FSTL4: variants seen among roughly 807,000 people sequenced by gnomAD.
FSTL4 encodes the protein follistatin like 4, also known as follistatin-related protein 4.
Under a neutral mutation model 78.2 loss-of-function variants are expected in FSTL4, and 28 were observed. That is an observed-to-expected ratio of 0.36 (90% CI 0.27 to 0.49). The LOEUF (loss-of-function observed/expected upper bound fraction) is 0.49. Among genes scored for constraint, FSTL4 ranks in the 20% least tolerant of loss-of-function variants. The pLI, the probability that FSTL4 is intolerant of heterozygous loss-of-function variation, is 0.98. For synonymous variants in FSTL4, 422 were observed against 440.5 expected (o/e 0.96, Z 0.53); for missense variants, 922 against 1,084.9 (o/e 0.85, Z 2.11).
rs1038829351 is a variant in FSTL4 at position 133,199,101 on chromosome 5, C to T, written c.2523G>A (p.Glu841=). The T allele has an allele frequency of 2.0e-6, 3 of 1,534,712 alleles. No homozygotes were observed. In the African/African-American group the frequency reaches 4.1e-5, roughly 21 times the overall value. Residue 841 remains glutamate (E), a synonymous_variant, in exon 16 of 16, where the codon GAG becomes GAA. Transcript: ENST00000265342. This position sits in a 1 kb window ranked among gnomAD's most constrained non-coding sequence, Gnocchi z 4.4. ...KGGTTVVWVG[E]V is the part of the protein sequence containing the mutation. ...GGGCTCTGCTCTGGGCCCTTCATACCTCACCCACCCACACCACTGTGGTCC... is the reference window on the plus strand; with the variant it reads ...GGGCTCTGCTCTGGGCCCTTCATACTTCACCCACCCACACCACTGTGGTCC...
chr5:133,567,236 A>T lies in FSTL4; in HGVS notation c.127-17T>A, dbSNP rs376493463. On this transcript the variant is annotated splice_polypyrimidine_tract_variant and intron_variant, in intron 2 of 15. Transcript: ENST00000265342. ...TCTGGGCTCCTGCAAGAAAAGAAAGACTTTGTGTTTTCTGAAGAATAATTC... is the reference window on the plus strand; with the variant it reads ...TCTGGGCTCCTGCAAGAAAAGAAAGTCTTTGTGTTTTCTGAAGAATAATTC... The T allele has an allele frequency of 5.6e-6, 9 of 1,598,832 alleles. No individual in the cohort carries two copies. Among genetic ancestry groups the T allele is most frequent in the Non-Finnish European group, 7.7e-6 (9 of 1,166,312 alleles).
At chr5:133,758,036 G>A in the FSTL4 span, among the ~76,000 whole-genome samples, 2 of 152,252 alleles carry the variant, frequency 1.3e-5, no homozygotes, top group East Asian at 3.9e-4. Context: ...AAGGGAGTCG[G>A]CATAGGTAAT....
At chr5:133,778,539 C>T in the FSTL4 span, among the ~76,000 whole-genome samples, 1 of 152,150 alleles carries the variant, frequency 6.6e-6, no homozygotes, top group East Asian at 1.9e-4. Flanking sequence ...GGCCCTTACG[C>T]TGAAAAGAGG....
chr5:133,530,671 G>A (rs1055887979), intron 3 of FSTL4, among the ~76,000 whole-genome samples: 2 of 152,222 alleles, frequency 1.3e-5, no homozygotes, highest in Admixed American at 6.5e-5. Context: ...AAATTGCTGT[G>A]TGGCTGTGCC....
intron 6 of FSTL4, among the ~76,000 whole-genome samples, chr5:133,302,457 G>A (rs1753565908): frequency 6.6e-6 from 1 of 152,174 alleles, no homozygotes; most frequent in Admixed American, 6.5e-5. Context: ...TTACTGCAGG[G>A]CACATTTTAA....
intron 4 of FSTL4, among the ~76,000 whole-genome samples, chr5:133,336,955 G>T (rs576224712): frequency 6.6e-6 from 1 of 152,192 alleles, no homozygotes; most frequent in Non-Finnish European, 1.5e-5. Flanking sequence ...TGGAGGGCTC[G>T]CAGTATGTGC....
the FSTL4 span, among the ~76,000 whole-genome samples, chr5:133,771,912 T>A: frequency 6.6e-6 from 1 of 152,198 alleles, no homozygotes; most frequent in African/African-American, 2.4e-5. Flanking sequence ...ATAGTGGGTT[T>A]GATCATTATA....
In FSTL4 at chr5:133,236,788, C is replaced by T. The variant is rs1751677337; in HGVS notation, c.895-3251G>A. 6.6e-6 allele frequency among the ~76,000 whole-genome samples: 1 copy of T among 152,360 alleles called. No homozygotes were observed. Among genetic ancestry groups the T allele is most frequent in the Non-Finnish European group, 1.5e-5 (1 of 68,034 alleles). Reference sequence around the variant, plus strand: ...TCCCTCTCCTGCAAGTCTGCTCCAACCTTGTCTGGCAGCCCCATTTCTGGA... The same window carrying T: ...TCCCTCTCCTGCAAGTCTGCTCCAATCTTGTCTGGCAGCCCCATTTCTGGA... On this transcript the variant is annotated intron_variant, in intron 7 of 15. Coordinates refer to ENST00000265342, the MANE Select transcript of FSTL4 (RefSeq NM_015082.2). The surrounding 1 kb of genome is among the most constrained non-coding windows in gnomAD (Gnocchi z 5.0).
chr5:133,774,886 T>C, the FSTL4 span, among the ~76,000 whole-genome samples: 5 of 152,296 alleles, frequency 3.3e-5, no homozygotes, highest in African/African-American at 1.2e-4. Flanking sequence ...AGAAAATGGA[T>C]GATAAATCTT....
chr5:133,602,099 T>A (rs1222377059), intron 2 of FSTL4, among the ~76,000 whole-genome samples: 1 of 152,132 alleles, frequency 6.6e-6, no homozygotes, highest in African/African-American at 2.4e-5. Context: ...TGATTAGAAG[T>A]TATAATACTG....
intron 3 of FSTL4, among the ~76,000 whole-genome samples, chr5:133,500,250 T>C (rs575008152): frequency 5.3e-5 from 8 of 152,284 alleles, no homozygotes; most frequent in Admixed American, 1.3e-4. Flanking sequence ...AAACTGAGCT[T>C]TCATTTTGCA....
chr5:133,555,812 C>T (rs1759774677), intron 3 of FSTL4, among the ~76,000 whole-genome samples: 1 of 152,118 alleles, frequency 6.6e-6, no homozygotes, highest in South Asian at 2.1e-4. Context: ...TGCAGGGGCT[C>T]ACACAAATGA....
intron 2 of FSTL4, among the ~76,000 whole-genome samples, chr5:133,577,352 G>A (rs922000633): frequency 1.3e-5 from 2 of 152,126 alleles, no homozygotes; most frequent in Non-Finnish European, 1.5e-5. Context: ...CCACTTAATC[G>A]AGGGGTCAGT....
At chr5:133,804,898 G>A in the FSTL4 span, among the ~76,000 whole-genome samples, 738 of 141,762 alleles carry the variant, frequency 5.2e-3, 6 homozygotes, top group Non-Finnish European at 8.7e-3. Flanking sequence ...GAGCCAAATC[G>A]TGCCACTGCA....
the FSTL4 span, among the ~76,000 whole-genome samples, chr5:133,651,415 C>G: frequency 6.6e-6 from 1 of 151,954 alleles, no homozygotes; most frequent in Non-Finnish European, 1.5e-5. Context: ...CCCCTCTGTT[C>G]CTAGTTTACT....
At chr5:133,395,451 A>G (rs1295855735) in intron 4 of FSTL4, among the ~76,000 whole-genome samples, 1 of 152,164 alleles carries the variant, frequency 6.6e-6, no homozygotes, top group African/African-American at 2.4e-5. Context: ...ATCAGAAGGA[A>G]CAAACTCCGG....
intron 4 of FSTL4, among the ~76,000 whole-genome samples, chr5:133,348,205 G>C (rs1004502702): frequency 2.0e-5 from 3 of 152,216 alleles, no homozygotes; most frequent in South Asian, 2.1e-4. Context: ...GAAAATGAAG[G>C]CTTTTGATTT....
At chr5:133,325,297 T>C (rs1754178822) in intron 4 of FSTL4, among the ~76,000 whole-genome samples, 1 of 152,124 alleles carries the variant, frequency 6.6e-6, no homozygotes, top group South Asian at 2.1e-4. Context: ...CTGTGGACCA[T>C]CTGTGTTCTT....
At chr5:133,438,991 T>C (rs538344836) in intron 3 of FSTL4, among the ~76,000 whole-genome samples, 1 of 152,238 alleles carries the variant, frequency 6.6e-6, no homozygotes, top group African/African-American at 2.4e-5. Context: ...TCAGTGTAGG[T>C]AATAAAGCAT....
Sources: allele counts gnomAD v4.1 joint callset (sites outside exome capture counted in the v4.1 genomes callset), GRCh38; gene constraint gnomAD v4.1.1; non-coding constraint Gnocchi (gnomAD v3.1); transcripts MANE v1.5; gene names NCBI Gene and HGNC (gene_info 2026-07-23, HGNC 2026-07-21).